Variants in ANKRD28 observed in about 807,000 individuals in gnomAD.
ANKRD28 encodes the protein ankyrin repeat domain 28.
In ANKRD28, 44 loss-of-function variants were observed where a neutral mutation model predicts 126.5. The observed-to-expected ratio is 0.35, with a 90% confidence interval of 0.27 to 0.45. The LOEUF (loss-of-function observed/expected upper bound fraction) is 0.45. ANKRD28 is among the 20% of genes least tolerant of loss of function. The pLI is 1.00. For missense variants in ANKRD28, 1,110 were observed against 1,316.6 expected, an observed-to-expected ratio of 0.84 and a Z score of 2.43; for synonymous variants, 442 against 468.5, an observed-to-expected ratio of 0.94 and a Z score of 0.73.
intron 16 of ANKRD28, 40 bp downstream of exon 16, chr3:15,695,148 A>G: frequency 6.6e-7 from 1 of 1,518,178 alleles, no homozygotes; most frequent in Non-Finnish European, 9.1e-7. Context: ...GAGGGAACTG[A>G]CCAATACTAA....
intron 8 of ANKRD28, among the ~76,000 whole-genome samples, chr3:15,716,276 C>T (rs1422615198): frequency 6.7e-6 from 1 of 148,714 alleles, no homozygotes; most frequent in African/African-American, 2.5e-5. Flanking sequence ...GCCACCGCAC[C>T]TGGACTTTTT....
At position 15,709,744 on chromosome 3, in the gene ANKRD28, G is replaced by C; in HGVS notation, c.1338-8C>G. The C allele has an allele frequency of 6.5e-7, 1 of 1,545,438 alleles. No individual in the cohort carries two copies. The highest frequency in any genetic ancestry group is 8.7e-7 in the Non-Finnish European group (1 of 1,143,052). ...TTTAGGCACTCCAAATTCCTATTGA[G>C]AGAAAATACAGTTAGAAAACTTAAT... On this transcript the variant is annotated splice_region_variant and splice_polypyrimidine_tract_variant and intron_variant, in intron 12 of 27. Coordinates refer to ENST00000683139, the MANE Select transcript of ANKRD28 (RefSeq NM_001349278.2).
chr3:15,715,538 T>G (rs2072902051), intron 8 of ANKRD28, among the ~76,000 whole-genome samples: 1 of 152,154 alleles, frequency 6.6e-6, no homozygotes, highest in South Asian at 2.1e-4. Context: ...GACAAGTAAT[T>G]TTACAGAAGT....
intron 7 of ANKRD28, among the ~76,000 whole-genome samples, chr3:15,721,512 T>C (rs781654613): frequency 4.6e-5 from 7 of 152,198 alleles, no homozygotes; most frequent in Non-Finnish European, 1.0e-4. Context: ...TTCTGAGGTA[T>C]ATTCAGTAAC....
chr3:15,754,544 T>C (rs1477491134), intron 3 of ANKRD28, among the ~76,000 whole-genome samples: 4 of 152,204 alleles, frequency 2.6e-5, no homozygotes, highest in African/African-American at 9.7e-5. Context: ...ACAAATCTTC[T>C]ACCTGAAATT....
chr3:15,803,614 T>TAAA (rs145887818), intron 1 of ANKRD28, among the ~76,000 whole-genome samples: 2 of 125,290 alleles, frequency 1.6e-5, no homozygotes, highest in African/African-American at 3.0e-5. Flanking sequence ...AGACTCCATT[T>TAAA]AAAAAAAAAA....
At chr3:15,741,010 C>G (rs2125202383) in intron 4 of ANKRD28, among the ~76,000 whole-genome samples, 1 of 152,228 alleles carries the variant, frequency 6.6e-6, no homozygotes, top group South Asian at 2.1e-4. Flanking sequence ...ACCATCCTGG[C>G]TAACAGGGTG....
At chr3:15,679,832 T>A (rs1174055897) in intron 21 of ANKRD28, among the ~76,000 whole-genome samples, 1 of 151,918 alleles carries the variant, frequency 6.6e-6, no homozygotes, top group Admixed American at 6.6e-5. Context: ...CAACCCCAAA[T>A]TAAAAATATT....
intron 14 of ANKRD28, among the ~76,000 whole-genome samples, chr3:15,702,778 C>T (rs2070795733): frequency 6.6e-6 from 1 of 152,072 alleles, no homozygotes; most frequent in African/African-American, 2.4e-5. Context: ...CCTCCCTCCT[C>T]TCTACTCTTC....
At chr3:15,709,587 T>A in intron 13 of ANKRD28, 81 bp downstream of exon 13, 1 of 956,680 alleles carries the variant, frequency 1.0e-6, no homozygotes, top group Non-Finnish European at 1.6e-6. Context: ...ATTGTTCAGT[T>A]AATTTTCAGA....
intron 2 of ANKRD28, among the ~76,000 whole-genome samples, chr3:15,785,730 A>G (rs1049973243): frequency 1.3e-5 from 2 of 152,106 alleles, no homozygotes; most frequent in African/African-American, 4.8e-5. Context: ...CTGAAAATAT[A>G]CGTCCCAACA....
At chr3:15,770,483 G>A (rs1247268991) in intron 2 of ANKRD28, among the ~76,000 whole-genome samples, 1 of 151,558 alleles carries the variant, frequency 6.6e-6, no homozygotes, top group African/African-American at 2.4e-5. Context: ...AGGCAAAATC[G>A]ATTTAAAGGA....
At chr3:15,710,829 T>C (rs951913724) in intron 12 of ANKRD28, among the ~76,000 whole-genome samples, 7 of 152,126 alleles carry the variant, frequency 4.6e-5, no homozygotes, top group African/African-American at 1.7e-4. Flanking sequence ...AACATTTTTT[T>C]CCTGGGGGAA....
chr3:15,756,001 A>G (rs938268622), intron 3 of ANKRD28, among the ~76,000 whole-genome samples: 9 of 152,252 alleles, frequency 5.9e-5, no homozygotes, highest in African/African-American at 2.2e-4. Context: ...TATTTACAGA[A>G]AACTTACATG....
intron 1 of ANKRD28, among the ~76,000 whole-genome samples, chr3:15,832,524 C>T (rs969665719): frequency 6.6e-6 from 1 of 152,192 alleles, no homozygotes; most frequent in African/African-American, 2.4e-5. Context: ...CATGCACTTA[C>T]TGCATTGTGA....
chr3:15,835,043 G>C (rs1372662061), intron 1 of ANKRD28, among the ~76,000 whole-genome samples: 1 of 152,174 alleles, frequency 6.6e-6, no homozygotes, highest in Non-Finnish European at 1.5e-5. Context: ...AGCTACTCGG[G>C]AGGCTGAGGC....
intron 11 of ANKRD28, 124 bp from the exon 12 acceptor site, chr3:15,711,398 G>T: frequency 1.4e-6 from 1 of 706,720 alleles, no homozygotes; most frequent in Non-Finnish European, 2.4e-6. Flanking sequence ...GTTCTTAAGT[G>T]CTAGAGTGCC....
chr3:15,686,163 G>A, intron 19 of ANKRD28, 44 bp from the exon 20 acceptor site: 1 of 1,599,364 alleles, frequency 6.3e-7, no homozygotes, highest in Non-Finnish European at 8.5e-7. Flanking sequence ...ACTTAAGACT[G>A]TACTCTGGTT....
At chr3:15,729,031 A>G (rs2025596740) in intron 6 of ANKRD28, among the ~76,000 whole-genome samples, 1 of 152,166 alleles carries the variant, frequency 6.6e-6, no homozygotes, top group African/African-American at 2.4e-5. Flanking sequence ...GTGGCTGGTC[A>G]CTGTGCCAGA....
Sources: gnomAD v4.1 joint callset for allele counts (sites outside exome capture counted in the v4.1 genomes callset) on GRCh38, gnomAD v4.1.1 for gene constraint, MANE v1.5 for transcripts, NCBI Gene and HGNC (gene_info 2026-07-23, HGNC 2026-07-21) for gene names.